Variants in ITGB4 observed in about 807,000 individuals in gnomAD.
The protein encoded by ITGB4 is integrin beta-4.
Under a neutral mutation model 207.6 loss-of-function variants are expected in ITGB4, and 159 were observed. The observed-to-expected ratio is 0.77, with a 90% confidence interval of 0.67 to 0.87. The LOEUF (loss-of-function observed/expected upper bound fraction) is 0.87. ITGB4 is among the 40% of genes least tolerant of loss of function. The pLI, the probability that ITGB4 is intolerant of heterozygous loss-of-function variation, is 0.00. For synonymous variants in ITGB4, 1,020 were observed against 1,062.7 expected (o/e 0.96, Z 0.78); for missense variants, 2,278 against 2,546.8 (o/e 0.89, Z 2.27).
At position 75,737,335 on chromosome 17, in the gene ITGB4, G is replaced by C; in HGVS notation, c.2004G>C (p.Val668=). The C allele has an allele frequency of 6.3e-7, 1 of 1,592,410 alleles. No individual in the cohort carries two copies. Among genetic ancestry groups the C allele is most frequent in the South Asian group, 1.1e-5 (1 of 87,628 alleles). ...VDELKRAEEV[V]VRCSFRDEDD... Reference sequence around the variant, plus strand: ...CTGTGGGTACAGCCGAGGAGGTGGTGGTGCGCTGCTCCTTCCGGGACGAGG... The same window carrying C: ...CTGTGGGTACAGCCGAGGAGGTGGTCGTGCGCTGCTCCTTCCGGGACGAGG... Residue 668 remains valine, a synonymous_variant, in exon 17 of 40, where the codon GTG becomes GTC. Transcript: ENST00000200181.
intron 18 of ITGB4, among the ~76,000 whole-genome samples, chr17:75,737,994 G>A (rs2061021103): frequency 6.6e-6 from 1 of 152,072 alleles, no homozygotes; most frequent in Non-Finnish European, 1.5e-5. Flanking sequence ...CAGCTTTCTA[G>A]CCAGAGGCTT....
In ITGB4 at chr17:75,752,161, C is replaced by T; in HGVS notation, c.3794-13C>T. 6.2e-7 allele frequency: 1 copy of T among 1,613,810 alleles called. No homozygotes were observed. The highest frequency in any genetic ancestry group is 1.3e-5 in the African/African-American group (1 of 75,064). ...GACCTGGGTGACCCTCTGAAGCACT[C>T]TCTCTGCCCCAGGACCTATTGGGCC... On this transcript the variant is annotated splice_polypyrimidine_tract_variant and intron_variant, in intron 30 of 39. Transcript: ENST00000200181.
At chr17:75,756,000 A>G in intron 35 of ITGB4, 150 bp downstream of exon 35, 1 of 958,726 alleles carries the variant, frequency 1.0e-6, no homozygotes, top group Non-Finnish European at 1.6e-6. Context: ...CTCCCACCCC[A>G]TTCTCCACCC....
In ITGB4 at chr17:75,740,024, G is replaced by A. The variant is rs369311929; in HGVS notation, c.2399G>A (p.Arg800Gln). 1.2e-5 allele frequency: 19 copies of A among 1,612,922 alleles called. No homozygotes were observed. Among genetic ancestry groups the A allele is most frequent in the East Asian group, 4.5e-5 (2 of 44,900 alleles). The stretch of plus-strand genomic sequence containing the variant: ...TGGAAGGTCACCAACAACATGCAGC[G>A]GCCTGGCTTTGCCACTCATGCCGCC... ...VRWKVTNNMQ[R>Q]PGFATHAASI... The change falls in exon 20 of 40, where the codon CGG becomes CAG. Residue 800 changes from arginine to glutamine, a missense_variant. Arg to Gln is a conservative substitution (Grantham distance 43). Coordinates refer to ENST00000200181, the MANE Select transcript of ITGB4 (RefSeq NM_000213.5). This position sits in a 1 kb window ranked among gnomAD's most constrained non-coding sequence, Gnocchi z 5.9.
Position 75,742,519 on chromosome 17 carries a change from C to T in ITGB4, c.2782+30C>T, listed in dbSNP as rs2061135191. ...GAGGGCGGGTCCGCTGTGCCACTGC[C>T]TCGCACCTCCCGCCTGTGTGGCCCT... On this transcript the variant is annotated intron_variant, in intron 24 of 39. Coordinates refer to ENST00000200181, the MANE Select transcript of ITGB4 (RefSeq NM_000213.5). This position sits in a 1 kb window ranked among gnomAD's most constrained non-coding sequence, Gnocchi z 5.9. 1.9e-6 allele frequency: 3 copies of T among 1,613,300 alleles called. No individual in the cohort carries two copies. The highest frequency in any genetic ancestry group is 2.5e-6 in the Non-Finnish European group (3 of 1,179,852).
Position 75,730,972 on chromosome 17 carries a change from C to A in ITGB4, c.1092+8C>A. 1 of 1,611,224 alleles carries A rather than the reference C, an allele frequency of 6.2e-7. No homozygotes were observed. The highest frequency in any genetic ancestry group is 8.5e-7 in the Non-Finnish European group (1 of 1,177,802). On this transcript the variant is annotated splice_region_variant and intron_variant, in intron 9 of 39. Transcript: ENST00000200181. Reference sequence around the variant, plus strand: ...CTGGAGGAGGCCTTCAATGTGAGGGCAGCTCAGGCTCCAGAGTCTGAGCCC... The same window carrying A: ...CTGGAGGAGGCCTTCAATGTGAGGGAAGCTCAGGCTCCAGAGTCTGAGCCC...
Position 75,742,775 on chromosome 17 carries a change from G to T in ITGB4, c.2962+14G>T. ...TCAAGGAGCAAGGTGGGTCTGGGTG[G>T]GGAGAGTGGGGAAGGCAGACGGGGG... On this transcript the variant is annotated intron_variant, in intron 25 of 39. Transcript: ENST00000200181. This position sits in a 1 kb window ranked among gnomAD's most constrained non-coding sequence, Gnocchi z 5.9. The T allele has an allele frequency of 2.5e-6, 4 of 1,602,056 alleles. No homozygotes were observed. Among genetic ancestry groups the T allele is most frequent in the Non-Finnish European group, 3.4e-6 (4 of 1,178,192 alleles).
intron 23 of ITGB4, among the ~76,000 whole-genome samples, chr17:75,741,777 G>A (rs2061115637): frequency 6.6e-6 from 1 of 151,570 alleles, no homozygotes; most frequent in African/African-American, 2.4e-5. Context: ...CTGCACTCCA[G>A]CCTGGGCGAC....
Position 75,742,239 on chromosome 17 carries a change from C to T in ITGB4, c.2634-102C>T, listed in dbSNP as rs2061127066. 1.4e-6 allele frequency: 2 copies of T among 1,467,556 alleles called. No individual in the cohort carries two copies. The highest frequency in any genetic ancestry group is 4.7e-5 in the East Asian group (2 of 42,472). 90.9% of individuals were successfully genotyped at this position (1,467,556 alleles called of 1,614,324 possible). ...CTGAAGACCCTGCACTTCTTGCTGTCTTACATCCTGGCCCCTGAAGGGGAG... is the reference window on the plus strand; with the variant it reads ...CTGAAGACCCTGCACTTCTTGCTGTTTTACATCCTGGCCCCTGAAGGGGAG... On this transcript the variant is annotated intron_variant, in intron 23 of 39. Transcript: ENST00000200181. The surrounding 1 kb of genome is among the most constrained non-coding windows in gnomAD (Gnocchi z 5.9).
At chr17:75,751,138 C>G in intron 30 of ITGB4, 27 bp downstream of exon 30, 1 of 1,611,096 alleles carries the variant, frequency 6.2e-7, no homozygotes, top group Non-Finnish European at 8.5e-7. Flanking sequence ...TCTTTCCTGC[C>G]CACAGGGAGA....
chr17:75,741,532 G>A (rs1039855805), intron 23 of ITGB4, among the ~76,000 whole-genome samples: 37 of 152,164 alleles, frequency 2.4e-4, no homozygotes, highest in African/African-American at 7.5e-4. Context: ...TTGGCTGTGC[G>A]TGGTGGCTCA....
At chr17:75,721,806 G>A (rs1469721300) in intron 1 of ITGB4, among the ~76,000 whole-genome samples, 194 bp downstream of exon 1, 1 of 152,224 alleles carries the variant, frequency 6.6e-6, no homozygotes, top group East Asian at 1.9e-4. Flanking sequence ...AGCTAGAGAA[G>A]GGTGGTGCCC....
At chr17:75,736,961 G>T (rs1426436949) in intron 16 of ITGB4, among the ~76,000 whole-genome samples, 1 of 152,080 alleles carries the variant, frequency 6.6e-6, no homozygotes, top group Non-Finnish European at 1.5e-5. Flanking sequence ...TTGGTGGGAG[G>T]CACCTGACTT....
At position 75,756,441 on chromosome 17, in the gene ITGB4, G is replaced by A. The variant is rs146044025; in HGVS notation, c.4721G>A (p.Arg1574Gln). The A allele has an allele frequency of 4.1e-5, 66 of 1,613,166 alleles. 1 individual carries two copies. The African/African-American group carries it at 4.3e-4, about 10-fold the overall frequency. ...CTGATCCCCCCAGGTGAGCTGCATCGGCTCAACATCCCCAACCCTGCCCAG... is the reference window on the plus strand; with the variant it reads ...CTGATCCCCCCAGGTGAGCTGCATCAGCTCAACATCCCCAACCCTGCCCAG... ...YQLLNGGELHRLNIPNPAQTS... is the reference protein window; with the variant it reads ...YQLLNGGELHQLNIPNPAQTS... The change falls in exon 36 of 40, where the codon CGG (arginine) becomes CAG (glutamine). Residue 1574 changes from arginine to glutamine, a missense_variant. Physicochemically the swap from Arg to Gln is conservative, Grantham distance 43. Coordinates refer to ENST00000200181, the MANE Select transcript of ITGB4 (RefSeq NM_000213.5).
chr17:75,730,645 C>A, intron 8 of ITGB4, 141 bp downstream of exon 8: 1 of 1,129,522 alleles, frequency 8.9e-7, no homozygotes, highest in Non-Finnish European at 1.3e-6. Flanking sequence ...TTTCCTTCCT[C>A]CCTTCCCAAA....
At chr17:75,745,355 T>C (rs1391325628) in intron 26 of ITGB4, among the ~76,000 whole-genome samples, 1 of 152,036 alleles carries the variant, frequency 6.6e-6, no homozygotes, top group Non-Finnish European at 1.5e-5. Flanking sequence ...TTCATGCCAC[T>C]GTACTTCAGC....
Position 75,736,030 on chromosome 17 carries a change from CT to C in ITGB4, c.1658-19del. 2 of 1,611,434 alleles carry C rather than the reference CT, an allele frequency of 1.2e-6. No individual in the cohort carries two copies. Among genetic ancestry groups the C allele is most frequent in the Non-Finnish European group, 1.7e-6 (2 of 1,178,560 alleles). On this transcript the variant is annotated intron_variant, in intron 13 of 39. Coordinates refer to ENST00000200181, the MANE Select transcript of ITGB4 (RefSeq NM_000213.5). ...AGGCACAGATGTAGCTCTCATCTCCCTTCCTTGTCCCTCTCTGCAGACCGAG... is the reference window on the plus strand; with the variant it reads ...AGGCACAGATGTAGCTCTCATCTCCCTCCTTGTCCCTCTCTGCAGACCGAG...
chr17:75,755,371 G>T (rs539740815), intron 34 of ITGB4, among the ~76,000 whole-genome samples: 1 of 152,308 alleles, frequency 6.6e-6, no homozygotes, highest in South Asian at 2.1e-4. Context: ...TACCATCAGT[G>T]CTGATGCCTA....
Position 75,727,612 on chromosome 17 carries a change from G to A in ITGB4, c.265-39G>A, listed in dbSNP as rs1176736884. 1.3e-6 allele frequency: 2 copies of A among 1,584,198 alleles called. No homozygotes were observed. The highest frequency in any genetic ancestry group is 3.6e-5 in the Admixed American group (2 of 55,172). ...GCTGGGCCCCCATCGGGCCTCCGGA[G>A]TGACCCTCTAGCCAGCTGTCCCCTT... On this transcript the variant is annotated intron_variant, in intron 4 of 39. Coordinates refer to ENST00000200181, the MANE Select transcript of ITGB4 (RefSeq NM_000213.5). This position sits in a 1 kb window ranked among gnomAD's most constrained non-coding sequence, Gnocchi z 6.0.
Sources: allele counts gnomAD v4.1 joint callset (sites outside exome capture counted in the v4.1 genomes callset), GRCh38; gene constraint gnomAD v4.1.1; non-coding constraint Gnocchi (gnomAD v3.1); transcripts MANE v1.5; gene names NCBI Gene and HGNC (gene_info 2026-07-23, HGNC 2026-07-21).